Variants in AMBN observed in about 807,000 individuals in gnomAD.
AMBN encodes enamel matrix protein.
Under a neutral mutation model 48.0 loss-of-function variants are expected in AMBN, and 54 were observed. That is an observed-to-expected ratio of 1.12 (90% CI 0.90 to 1.41). The LOEUF (loss-of-function observed/expected upper bound fraction) is 1.41. AMBN is among the 40% of genes most tolerant of loss of function. The probability of loss-of-function intolerance (pLI) is 0.00; values close to 1 mark genes in which losing one functional copy is unlikely to be tolerated. For missense variants in AMBN, 571 were observed against 547.3 expected (o/e 1.04, Z -0.43); for synonymous variants, 186 against 190.0 (o/e 0.98, Z 0.17).
At chr4:70,603,948 A>G (rs760302093) in intron 12 of AMBN, 27 bp downstream of exon 12, 26 of 1,611,236 alleles carry the variant, frequency 1.6e-5, no homozygotes, top group African/African-American at 4.0e-5. Flanking sequence ...AACTCTTCTT[A>G]AAATAGTGGC....
rs79131152 is a variant in AMBN at position 70,600,339 on chromosome 4, A to G, written c.294+693A>G. ...AAATTAAGAAATTTAAAAAAAAAAA[A>G]CATCATGAACCCTACAGAAGTCAAT... On this transcript the variant is annotated intron_variant, in intron 5 of 12. Transcript: ENST00000322937. 7.0e-4 allele frequency among the ~76,000 whole-genome samples: 106 copies of G among 152,180 alleles called. 1 individual carries two copies. In the East Asian group the frequency reaches 0.016, roughly 23 times the overall value.
rs760362738 is a variant in AMBN at position 70,606,757 on chromosome 4, G to A, written c.*27G>A. ...AGCTCTAAGATATTAGCTACTTTCT[G>A]TATGCACAAGCTTCCCAGCTTTGTC... is the stretch of plus-strand genomic sequence containing the variant. On this transcript the variant is annotated 3_prime_UTR_variant, in exon 13 of 13. Coordinates refer to ENST00000322937, the MANE Select transcript of AMBN (RefSeq NM_016519.6). 2 of 1,580,188 alleles carry A rather than the reference G, an allele frequency of 1.3e-6. No individual in the cohort carries two copies. The highest frequency in any genetic ancestry group is 1.7e-6 in the Non-Finnish European group (2 of 1,162,772).
rs527512407 is a variant in AMBN, at chr4:70,601,037, C to T, written c.295-381C>T. On this transcript the variant is annotated intron_variant, in intron 5 of 12. Coordinates refer to ENST00000322937, the MANE Select transcript of AMBN (RefSeq NM_016519.6). ...GGCTATAAAGAAAAACAAAACATATCATTCTCTCTCCGTTGACTGGGGGAC... is the reference window on the plus strand; with the variant it reads ...GGCTATAAAGAAAAACAAAACATATTATTCTCTCTCCGTTGACTGGGGGAC... Among the ~76,000 whole-genome samples, 18 of 152,260 alleles carry T rather than the reference C, an allele frequency of 1.2e-4. No homozygotes were observed. The East Asian group carries it at 3.5e-3, about 29-fold the overall frequency.
In AMBN at chr4:70,602,968, A is replaced by G. The variant is rs1343164195; in HGVS notation, c.610-4A>G. On this transcript the variant is annotated splice_polypyrimidine_tract_variant and splice_region_variant and intron_variant, in intron 8 of 12. Transcript: ENST00000322937. ...GATAATTTTAATATTTATCTGTAAT[A>G]TAGCTCCCAGGATTGGATTTTGCTG... is the stretch of plus-strand genomic sequence containing the variant. The G allele has an allele frequency of 2.5e-6, 4 of 1,602,328 alleles. No individual in the cohort carries two copies. In the African/African-American group the frequency reaches 4.0e-5, roughly 16 times the overall value.
At chr4:70,595,514 A>T (rs921120661) in intron 2 of AMBN, among the ~76,000 whole-genome samples, 2 of 152,150 alleles carry the variant, frequency 1.3e-5, no homozygotes, top group African/African-American at 4.8e-5. Context: ...AAACTGAATT[A>T]TTTAAAGAAA....
chr4:70,603,494 A>C, intron 11 of AMBN, 34 bp downstream of exon 11: 1 of 1,586,192 alleles, frequency 6.3e-7, no homozygotes, highest in Non-Finnish European at 8.6e-7. Context: ...TATTGTTTTT[A>C]ATTAAATTTT....
chr4:70,593,474 G>A, intron 2 of AMBN, 79 bp downstream of exon 2: 4 of 1,181,698 alleles, frequency 3.4e-6, no homozygotes, highest in Non-Finnish European at 5.0e-6. Flanking sequence ...GATATGGACT[G>A]AGAGTCCACG....
At position 70,606,356 on chromosome 4, in the gene AMBN, C is replaced by A. The variant is rs766526587; in HGVS notation, c.970C>A (p.Gln324Lys). The A allele has an allele frequency of 8.7e-6, 14 of 1,614,032 alleles. No individual in the cohort carries two copies. The East Asian group carries it at 2.2e-4, about 26-fold the overall frequency. The change falls in exon 13 of 13, where the codon CAA becomes AAA. Residue 324 changes from glutamine to lysine, a missense_variant. Coordinates refer to ENST00000322937, the MANE Select transcript of AMBN (RefSeq NM_016519.6). ...CCCTGAGAACGAAGAAGGAGGTGCA[C>A]AAGGCTCCCCTATGCCGGAGGCCAA... Reference protein sequence around the residue: ...KGPENEEGGAQGSPMPEANPD... With the variant: ...KGPENEEGGAKGSPMPEANPD...
chr4:70,598,989 G>A (rs891762915), intron 4 of AMBN, among the ~76,000 whole-genome samples: 2 of 149,476 alleles, frequency 1.3e-5, no homozygotes, highest in Non-Finnish European at 3.0e-5. Flanking sequence ...TTGCTAGGCT[G>A]ATCTCGAATG....
rs1737474924 is a variant in AMBN, at chr4:70,599,604, C to A, written c.252C>A (p.Ser84=). ...LWMHGLLPPH[S]SLPWMRPREH... is the part of the protein sequence containing the mutation. ...TGCACGGTCTCCTCCCACCACATTC[C>A]TCTCTTCCATGGATGAGGCCAAGAG... Residue 84 remains serine, a synonymous_variant, in exon 5 of 13, where the codon TCC becomes TCA. Coordinates refer to ENST00000322937, the MANE Select transcript of AMBN (RefSeq NM_016519.6). 1 of 1,613,580 alleles carries A rather than the reference C, an allele frequency of 6.2e-7. No homozygotes were observed. The highest frequency in any genetic ancestry group is 8.5e-7 in the Non-Finnish European group (1 of 1,179,824).
chr4:70,597,147 A>C lies in AMBN; in HGVS notation c.135+98A>C, dbSNP rs1187030655. 5 of 1,118,900 alleles carry C rather than the reference A, an allele frequency of 4.5e-6. No homozygotes were observed. The East Asian group carries it at 9.9e-5, about 22-fold the overall frequency. 69.3% of individuals were successfully genotyped at this position (1,118,900 alleles called of 1,614,324 possible). The stretch of plus-strand genomic sequence containing the variant: ...TGTGCTTCTCAGTTTTCCTAGCCAG[A>C]AGTTTGTGGCTGTTATCCTGAGGAG... On this transcript the variant is annotated intron_variant, in intron 3 of 12. Coordinates refer to ENST00000322937, the MANE Select transcript of AMBN (RefSeq NM_016519.6).
intron 9 of AMBN, 100 bp downstream of exon 9, chr4:70,603,110 T>C: frequency 1.4e-6 from 2 of 1,391,522 alleles, no homozygotes; most frequent in African/African-American, 2.9e-5. Flanking sequence ...TCCATGAATA[T>C]GAAGTATAAT....
At chr4:70,597,386 G>T (rs1470301703) in intron 3 of AMBN, among the ~76,000 whole-genome samples, 1 of 151,762 alleles carries the variant, frequency 6.6e-6, no homozygotes, top group Non-Finnish European at 1.5e-5. Flanking sequence ...TTTTAATCCT[G>T]CTCCTTATAC....
intron 12 of AMBN, among the ~76,000 whole-genome samples, chr4:70,605,010 T>C (rs1264852555): frequency 6.8e-6 from 1 of 147,390 alleles, no homozygotes; most frequent in Non-Finnish European, 1.5e-5. Context: ...AAAAAAAAAG[T>C]CTTGTTTTCA....
Position 70,592,315 on chromosome 4 carries a change from A to T in AMBN, c.-44A>T, listed in dbSNP as rs768972542. 1 of 1,611,518 alleles carries T rather than the reference A, an allele frequency of 6.2e-7. No homozygotes were observed. The highest frequency in any genetic ancestry group is 8.5e-7 in the Non-Finnish European group (1 of 1,177,922). ...AAAAAAATTTTAATCTTCTTTTCTT[A>T]GAACTATCTTGGTTGGCATCATCAG... is the stretch of plus-strand genomic sequence containing the variant. On this transcript the variant is annotated 5_prime_UTR_variant, in exon 1 of 13. Transcript: ENST00000322937.
At position 70,602,657 on chromosome 4, in the gene AMBN, C is replaced by CCAT; in HGVS notation, c.568_570dup (p.Ser190dup). 2 of 1,562,328 alleles carry CCAT rather than the reference C, an allele frequency of 1.3e-6. No homozygotes were observed. Among genetic ancestry groups the CCAT allele is most frequent in the East Asian group, 4.6e-5 (2 of 43,802 alleles). ...AGTAGATTTTGCTGATCCACAAGGT[C>CCAT]CATCAGTAAGTACAGATCTCAATGA... On this transcript the variant is annotated inframe_insertion, in exon 7 of 13. Transcript: ENST00000322937.
At chr4:70,593,846 C>A (rs986305591) in intron 2 of AMBN, among the ~76,000 whole-genome samples, 1 of 139,794 alleles carries the variant, frequency 7.2e-6, no homozygotes, top group Admixed American at 7.3e-5. Flanking sequence ...GCCTGGGTGA[C>A]GGAGTGAGAC....
intron 4 of AMBN, 118 bp downstream of exon 4, chr4:70,598,521 A>G: frequency 1.3e-6 from 1 of 757,440 alleles, no homozygotes; most frequent in Non-Finnish European, 1.9e-6. Flanking sequence ...TGGAAGAACC[A>G]AGAAGTAAAT....
chr4:70,601,132 A>C (rs971208455), intron 5 of AMBN, among the ~76,000 whole-genome samples: 90 of 152,196 alleles, frequency 5.9e-4, no homozygotes, highest in Non-Finnish European at 5.9e-5. Flanking sequence ...ACATACAGAC[A>C]GCTATGGGAA....
Sources: gnomAD v4.1 joint callset for allele counts (sites outside exome capture counted in the v4.1 genomes callset) on GRCh38, gnomAD v4.1.1 for gene constraint, MANE v1.5 for transcripts, NCBI Gene and HGNC (gene_info 2026-07-23, HGNC 2026-07-21) for gene names.